The following KCTD3 variants were observed in gnomAD, a reference collection of about 807,000 sequenced individuals.
KCTD3 encodes potassium channel tetramerization domain containing 3.
In KCTD3, 41 loss-of-function variants were observed where a neutral mutation model predicts 85.8. The ratio of observed to expected loss-of-function variants is 0.48; its 90% confidence interval spans 0.37 to 0.62. KCTD3 has a LOEUF of 0.62. Among genes scored for constraint, KCTD3 ranks in the 20% least tolerant of loss-of-function variants. The pLI is 0.00. For synonymous variants in KCTD3, 338 were observed against 345.4 expected (o/e 0.98, Z 0.24); for missense variants, 724 against 989.9 (o/e 0.73, Z 3.60).
rs547063874 is a variant in KCTD3, at chr1:215,583,187, C to T, written c.626+3188C>T. Reference sequence around the variant, plus strand: ...GAATAAAAGAATGGCTACTCCATAGCCAGAGCAGCCCTGAGGGCTGCTTGA... The same window carrying T: ...GAATAAAAGAATGGCTACTCCATAGTCAGAGCAGCCCTGAGGGCTGCTTGA... On this transcript the variant is annotated intron_variant, in intron 8 of 17. Coordinates refer to ENST00000259154, the MANE Select transcript of KCTD3 (RefSeq NM_016121.5). Among the ~76,000 whole-genome samples the T allele has an allele frequency of 2.2e-4, 34 of 152,026 alleles. No individual in the cohort carries two copies. The South Asian group carries it at 7.1e-3, about 32-fold the overall frequency.
intron 10 of KCTD3, among the ~76,000 whole-genome samples, chr1:215,596,683 T>C (rs1660427836): frequency 6.6e-6 from 1 of 152,146 alleles, no homozygotes; most frequent in African/African-American, 2.4e-5. Context: ...CAAATTCAAA[T>C]ACCTTTCAAG....
At position 215,577,747 on chromosome 1, in the gene KCTD3, T is replaced by A. The variant is rs142110285; in HGVS notation, c.316+19T>A. On this transcript the variant is annotated intron_variant, in intron 5 of 17. Transcript: ENST00000259154. Reference sequence around the variant, plus strand: ...CCATTAGGTATGTGCTCTTTTAATATTTGGTGTTTATGATTTGACTCATGT... The same window carrying A: ...CCATTAGGTATGTGCTCTTTTAATAATTGGTGTTTATGATTTGACTCATGT... 2 of 1,553,936 alleles carry A rather than the reference T, an allele frequency of 1.3e-6. No individual in the cohort carries two copies. Among genetic ancestry groups the A allele is most frequent in the African/African-American group, 1.4e-5 (1 of 73,732 alleles).
At chr1:215,592,736 G>A (rs1459910249) in intron 9 of KCTD3, among the ~76,000 whole-genome samples, 2 of 152,186 alleles carry the variant, frequency 1.3e-5, no homozygotes, top group Admixed American at 6.5e-5. Context: ...ACTATCCAAA[G>A]AAAATTGTTA....
intron 14 of KCTD3, among the ~76,000 whole-genome samples, chr1:215,608,380 A>T (rs1441335694): frequency 1.3e-5 from 2 of 152,002 alleles, no homozygotes; most frequent in Non-Finnish European, 2.9e-5. Flanking sequence ...TTAAAATGTT[A>T]GAGCAAATTT....
intron 15 of KCTD3, among the ~76,000 whole-genome samples, chr1:215,615,004 A>G (rs1296631776): frequency 6.6e-6 from 1 of 152,158 alleles, no homozygotes; most frequent in African/African-American, 2.4e-5. Flanking sequence ...ATTCAATTCT[A>G]ATATCCCCTC....
chr1:215,585,017 G>A (rs1659955028), intron 8 of KCTD3, among the ~76,000 whole-genome samples: 1 of 152,060 alleles, frequency 6.6e-6, no homozygotes, highest in Admixed American at 6.5e-5. Flanking sequence ...CTTTGGGTTG[G>A]GGGTCTCTCC....
intron 1 of KCTD3, among the ~76,000 whole-genome samples, chr1:215,572,853 C>T (rs549351462): frequency 3.3e-5 from 5 of 152,044 alleles, no homozygotes; most frequent in Non-Finnish European, 7.4e-5. Flanking sequence ...CATATAATGC[C>T]AGAAAATAAA....
chr1:215,587,793 T>C (rs113212573), intron 9 of KCTD3, among the ~76,000 whole-genome samples: 57 of 152,370 alleles, frequency 3.7e-4, no homozygotes, highest in African/African-American at 1.3e-3. Context: ...ATCAGTGAAC[T>C]TTTCATATTC....
At position 215,574,847 on chromosome 1, in the gene KCTD3, C is replaced by A. The variant is rs939324536; in HGVS notation, c.183+729C>A. ...GTAGGAAGAGTTTTATTACTGGCTG[C>A]CATTTCCCTTTCTAATTGATTTACA... On this transcript the variant is annotated intron_variant, in intron 3 of 17. Transcript: ENST00000259154. Among the ~76,000 whole-genome samples, 8 of 152,230 alleles carry A rather than the reference C, an allele frequency of 5.3e-5. No homozygotes were observed. The East Asian group carries it at 1.5e-3, about 29-fold the overall frequency.
chr1:215,598,809 G>C (rs1217164580), intron 10 of KCTD3, among the ~76,000 whole-genome samples: 1 of 152,076 alleles, frequency 6.6e-6, no homozygotes, highest in Non-Finnish European at 1.5e-5. Context: ...CCAAGAGTGA[G>C]ATAGAAAATA....
intron 9 of KCTD3, among the ~76,000 whole-genome samples, chr1:215,590,801 G>A (rs978590790): frequency 1.3e-5 from 2 of 152,096 alleles, no homozygotes; most frequent in Admixed American, 1.3e-4. Context: ...TGGTTACCAT[G>A]TTTTTATTTT....
Position 215,575,890 on chromosome 1 carries a change from CT to C in KCTD3, c.184-5del. 5 of 1,473,642 alleles carry C rather than the reference CT, an allele frequency of 3.4e-6. No individual in the cohort carries two copies. The highest frequency in any genetic ancestry group is 3.7e-6 in the Non-Finnish European group (4 of 1,077,976). 91.3% of individuals were successfully genotyped at this position (1,473,642 alleles called of 1,614,324 possible). A position where few individuals can be genotyped will look rare whatever the true frequency, so the allele number is the denominator to read the frequency against. On this transcript the variant is annotated splice_polypyrimidine_tract_variant and intron_variant, in intron 3 of 17. Coordinates refer to ENST00000259154, the MANE Select transcript of KCTD3 (RefSeq NM_016121.5). ...TGTAATTTGAAAATAAAACTGTTCT[CT>C]TTTTTACAGATATTTATTGATAGAG...
intron 6 of KCTD3, among the ~76,000 whole-genome samples, chr1:215,578,678 A>G (rs1479413585): frequency 1.3e-5 from 2 of 152,204 alleles, no homozygotes; most frequent in Admixed American, 6.5e-5. Flanking sequence ...AGTACCTAAC[A>G]CATAATACCT....
intron 8 of KCTD3, chr1:215,580,913 A>T (rs1323582463): frequency 6.5e-6 from 3 of 459,374 alleles, no homozygotes; most frequent in African/African-American, 6.1e-5. Context: ...TTATATCAGT[A>T]ATCTCAGGTT....
At chr1:215,616,418 G>C (rs1461291944) in intron 15 of KCTD3, among the ~76,000 whole-genome samples, 1 of 152,088 alleles carries the variant, frequency 6.6e-6, no homozygotes, top group African/African-American at 2.4e-5. Flanking sequence ...TTTAAAATCT[G>C]ATAATGCCCA....
chr1:215,600,061 G>A (rs1254432869), intron 10 of KCTD3, among the ~76,000 whole-genome samples: 1 of 152,096 alleles, frequency 6.6e-6, no homozygotes, highest in Non-Finnish European at 1.5e-5. Flanking sequence ...TTAGTGGTGT[G>A]TAAAGCAGTC....
Position 215,621,235 on chromosome 1 carries a change from TCTTAAATCTTAG to T in KCTD3, c.*619_*630del, listed in dbSNP as rs1655677474. On this transcript the variant is annotated 3_prime_UTR_variant, in exon 18 of 18. Transcript: ENST00000259154. ...TTTTCTGATTCTCATCATTGGGAGA[TCTTAAATCTTAG>T]CAAGCATTAGCAATATTAAATGCCA... 1.3e-5 allele frequency: 2 copies of T among 152,584 alleles called. No individual in the cohort carries two copies. Among genetic ancestry groups the T allele is most frequent in the African/African-American group, 4.8e-5 (2 of 41,458 alleles). 9.5% of individuals were successfully genotyped at this position (152,584 alleles called of 1,614,324 possible).
At chr1:215,603,825 A>C (rs1654917497) in intron 12 of KCTD3, among the ~76,000 whole-genome samples, 1 of 152,230 alleles carries the variant, frequency 6.6e-6, no homozygotes, top group African/African-American at 2.4e-5. Flanking sequence ...AAGGAATAGA[A>C]GTAGCTAGAC....
chr1:215,601,495 C>T (rs1298669310), intron 10 of KCTD3, among the ~76,000 whole-genome samples: 1 of 152,148 alleles, frequency 6.6e-6, no homozygotes, highest in Admixed American at 6.5e-5. Context: ...GTCATTTAAT[C>T]TCTTGTATGA....
Sources: gnomAD v4.1 joint callset for allele counts (sites outside exome capture counted in the v4.1 genomes callset) on GRCh38, gnomAD v4.1.1 for gene constraint, MANE v1.5 for transcripts, NCBI Gene and HGNC (gene_info 2026-07-23, HGNC 2026-07-21) for gene names.